Variants in MAGI1 observed in about 807,000 individuals in gnomAD.
MAGI1 encodes the protein membrane-associated guanylate kinase, WW and PDZ domain-containing protein 1.
MAGI1 carries 58 observed loss-of-function variants against 139.9 expected under a neutral mutation model. The ratio of observed to expected loss-of-function variants is 0.41; its 90% CI spans 0.34 to 0.52. The LOEUF (loss-of-function observed/expected upper bound fraction) is 0.52. MAGI1 is among the 20% of genes least tolerant of loss of function. MAGI1 has a pLI of 0.12. For synonymous variants in MAGI1, 812 were observed against 737.9 expected (o/e 1.10, Z -1.63); for missense variants, 1,874 against 1,901.6 (o/e 0.99, Z 0.27).
At chr3:65,367,527 T>C (rs1335854438) in intron 18 of MAGI1, among the ~76,000 whole-genome samples, 1 of 152,190 alleles carries the variant, frequency 6.6e-6, no homozygotes, top group Non-Finnish European at 1.5e-5. Flanking sequence ...TATCTTAATC[T>C]ATGAAGCACC....
chr3:66,024,360 G>A lies in MAGI1; in HGVS notation c.313+13636C>T, dbSNP rs1449890889. ...AAAAGAACAGGCTTCTGGTTCTCTTGAAAACCTGAAAAATCTACACTAGAA... is the reference window on the plus strand; with the variant it reads ...AAAAGAACAGGCTTCTGGTTCTCTTAAAAACCTGAAAAATCTACACTAGAA... On this transcript the variant is annotated intron_variant, in intron 1 of 22. Coordinates refer to ENST00000402939, the MANE Select transcript of MAGI1 (RefSeq NM_001033057.2). Among the ~76,000 whole-genome samples, 12 of 135,142 alleles carry A rather than the reference G, an allele frequency of 8.9e-5. No individual in the cohort carries two copies. In the South Asian group the frequency reaches 2.8e-3, roughly 31 times the overall value. The allele number at this position is 135,142 out of a possible 152,430, so 88.7% of individuals were successfully genotyped here. A position where few individuals can be genotyped will look rare whatever the true frequency, so the allele number is the denominator to read the frequency against.
chr3:65,576,024 C>A (rs2081160786), intron 2 of MAGI1, among the ~76,000 whole-genome samples: 1 of 152,052 alleles, frequency 6.6e-6, no homozygotes, highest in Non-Finnish European at 1.5e-5. Context: ...CAAGACTTAT[C>A]AAATCATACA....
At chr3:65,572,864 C>T (rs2081019275) in intron 2 of MAGI1, among the ~76,000 whole-genome samples, 1 of 151,602 alleles carries the variant, frequency 6.6e-6, no homozygotes, top group Non-Finnish European at 1.5e-5. Flanking sequence ...AAAGCAGCAA[C>T]TAGATCATAG....
intron 5 of MAGI1, among the ~76,000 whole-genome samples, chr3:65,456,642 T>C (rs1339828120): frequency 2.0e-5 from 3 of 152,192 alleles, no homozygotes; most frequent in African/African-American, 7.2e-5. Flanking sequence ...AAAAGTTTTA[T>C]TGTTTTATGT....
intron 2 of MAGI1, among the ~76,000 whole-genome samples, chr3:65,576,462 G>C (rs1158483354): frequency 1.3e-5 from 2 of 152,152 alleles, no homozygotes; most frequent in Admixed American, 6.5e-5. Flanking sequence ...TAACAGGCTG[G>C]AGCTAATACA....
chr3:65,398,778 T>C (rs1023144434), intron 13 of MAGI1, among the ~76,000 whole-genome samples: 1 of 152,066 alleles, frequency 6.6e-6, no homozygotes, highest in Non-Finnish European at 1.5e-5. Context: ...AAATCCCTGA[T>C]GTTATGAAAG....
At chr3:65,895,954 C>A (rs576933051) in intron 1 of MAGI1, among the ~76,000 whole-genome samples, 14 of 152,256 alleles carry the variant, frequency 9.2e-5, no homozygotes, top group African/African-American at 3.4e-4. Flanking sequence ...TTGTTGGAAA[C>A]ACTCACTCAG....
At chr3:65,884,296 C>G (rs1027854765) in intron 1 of MAGI1, among the ~76,000 whole-genome samples, 1 of 152,118 alleles carries the variant, frequency 6.6e-6, no homozygotes, top group African/African-American at 2.4e-5. Context: ...TAGCACATAG[C>G]GATACTGTGC....
chr3:65,831,097 A>G (rs2108294967), intron 1 of MAGI1, among the ~76,000 whole-genome samples: 1 of 152,308 alleles, frequency 6.6e-6, no homozygotes, highest in African/African-American at 2.4e-5. Context: ...TTCTAAATTC[A>G]TGAATGCTAA....
At chr3:65,992,915 T>G (rs2107372313) in intron 1 of MAGI1, among the ~76,000 whole-genome samples, 1 of 152,222 alleles carries the variant, frequency 6.6e-6, no homozygotes, top group Admixed American at 6.5e-5. Flanking sequence ...AGCCTCAATC[T>G]CCTGGGTCAA....
chr3:65,448,885 C>T (rs1217897294), intron 6 of MAGI1, among the ~76,000 whole-genome samples: 3 of 152,066 alleles, frequency 2.0e-5, no homozygotes, highest in African/African-American at 7.2e-5. Flanking sequence ...GGAGAACACA[C>T]AAAAATCATT....
intron 1 of MAGI1, among the ~76,000 whole-genome samples, chr3:65,709,919 G>C (rs533535909): frequency 6.6e-6 from 1 of 152,274 alleles, no homozygotes; most frequent in East Asian, 1.9e-4. Context: ...AGAAGTATCT[G>C]GTGTGAATTA....
chr3:65,404,612 T>C (rs558822635), intron 12 of MAGI1, among the ~76,000 whole-genome samples: 3 of 152,342 alleles, frequency 2.0e-5, no homozygotes, highest in East Asian at 3.9e-4. Flanking sequence ...CACATGGTCA[T>C]TAAATCTTAA....
chr3:65,729,601 T>G (rs2033982877), intron 1 of MAGI1, among the ~76,000 whole-genome samples: 1 of 142,268 alleles, frequency 7.0e-6, no homozygotes, highest in African/African-American at 2.5e-5. Flanking sequence ...TTACTAAACA[T>G]TACAACCACT....
At chr3:65,528,691 A>G (rs2078499752) in intron 2 of MAGI1, among the ~76,000 whole-genome samples, 2 of 152,188 alleles carry the variant, frequency 1.3e-5, no homozygotes, top group Non-Finnish European at 2.9e-5. Flanking sequence ...TCAACTCCCA[A>G]TATTTCCCCT....
chr3:65,440,838 CATATATACATATGTAT>C (rs1404742515), intron 8 of MAGI1, among the ~76,000 whole-genome samples: 1 of 71,576 alleles, frequency 1.4e-5, no homozygotes, highest in Non-Finnish European at 3.1e-5. Context: ...TATACATATA[CATATATACATATGTAT>C]ACATATATAT....
chr3:65,682,798 A>G (rs2087687038), intron 1 of MAGI1, among the ~76,000 whole-genome samples: 2 of 152,172 alleles, frequency 1.3e-5, no homozygotes, highest in Non-Finnish European at 2.9e-5. Flanking sequence ...ATGAAAAAGA[A>G]CAGTAACAGG....
At chr3:65,802,891 T>TGTGTG (rs58685295) in intron 1 of MAGI1, among the ~76,000 whole-genome samples, 1 of 150,940 alleles carries the variant, frequency 6.6e-6, no homozygotes, top group African/African-American at 2.4e-5. Context: ...TGTGTGTGTG[T>TGTGTG]CTTTTGTTGG....
intron 1 of MAGI1, among the ~76,000 whole-genome samples, chr3:65,783,689 G>A (rs916863306): frequency 6.6e-6 from 1 of 150,728 alleles, no homozygotes; most frequent in South Asian, 2.1e-4. Flanking sequence ...GTAGTGATGG[G>A]GTTTTGCCAC....
Sources: gnomAD v4.1 joint callset for allele counts (sites outside exome capture counted in the v4.1 genomes callset) on GRCh38, gnomAD v4.1.1 for gene constraint, MANE v1.5 for transcripts, NCBI Gene and HGNC (gene_info 2026-07-23, HGNC 2026-07-21) for gene names.